Variants in FCHO2 observed in about 807,000 individuals in gnomAD.
FCHO2 encodes the protein F-BAR domain only protein 2.
Under a neutral mutation model 114.1 loss-of-function variants are expected in FCHO2, and 43 were observed. That is an observed-to-expected ratio of 0.38 (90% CI 0.30 to 0.49). The LOEUF is 0.49. Ranked by LOEUF, FCHO2 falls within the 20% of genes least tolerant of loss-of-function variation. The pLI is 0.97. For synonymous variants in FCHO2, 293 were observed against 315.2 expected, an observed-to-expected ratio of 0.93 and a Z score of 0.75; for missense variants, 807 against 950.4, an observed-to-expected ratio of 0.85 and a Z score of 1.98.
intron 6 of FCHO2, among the ~76,000 whole-genome samples, chr5:73,008,154 AAAGAAT>A (rs1175004532): frequency 1.3e-5 from 2 of 152,236 alleles, no homozygotes; most frequent in African/African-American, 4.8e-5. Flanking sequence ...TTTAATGGCA[AAAGAAT>A]TTAGGTTTTC....
chr5:72,968,442 T>A (rs1014412085), intron 1 of FCHO2, 56 bp from the exon 2 acceptor site: 27 of 1,255,422 alleles, frequency 2.2e-5, no homozygotes, highest in South Asian at 1.6e-4. Context: ...CTTTTTATAT[T>A]CTCAAGTCAT....
At position 73,089,176 on chromosome 5, in the gene FCHO2, A is replaced by G. The variant is rs75030728; in HGVS notation, c.*1086A>G. 9.4e-4 allele frequency: 143 copies of G among 152,680 alleles called. 1 individual carries two copies. In the East Asian group the frequency reaches 0.014, roughly 15 times the overall value. 9.5% of individuals were successfully genotyped at this position (152,680 alleles called of 1,614,324 possible). On this transcript the variant is annotated 3_prime_UTR_variant, in exon 26 of 26. Transcript: ENST00000430046. The stretch of plus-strand genomic sequence containing the variant: ...ACATTAACCTCATCAAAAGTGTGTG[A>G]ATTTTAAAACAAATTCTAAAAAAAC...
At chr5:73,070,843 T>A (rs79383806) in intron 19 of FCHO2, among the ~76,000 whole-genome samples, 1 of 152,036 alleles carries the variant, frequency 6.6e-6, no homozygotes, top group African/African-American at 2.4e-5. Flanking sequence ...TCTCCTTGTT[T>A]CTTGAAAATA....
At chr5:72,969,985 A>G (rs1161802511) in intron 2 of FCHO2, among the ~76,000 whole-genome samples, 3 of 152,162 alleles carry the variant, frequency 2.0e-5, no homozygotes, top group Admixed American at 2.0e-4. Context: ...CTGTAACTTC[A>G]TTATGCTGAT....
At chr5:72,997,176 C>T (rs1213696961) in intron 5 of FCHO2, 19 of 1,117,266 alleles carry the variant, frequency 1.7e-5, no homozygotes, top group Non-Finnish European at 2.3e-5. Flanking sequence ...TGGCCTGGAA[C>T]GCCTCCTGAC....
intron 17 of FCHO2, among the ~76,000 whole-genome samples, chr5:73,060,565 A>G (rs904056222): frequency 1.3e-5 from 2 of 151,920 alleles, no homozygotes; most frequent in African/African-American, 2.4e-5. Flanking sequence ...TTTGTCCCCC[A>G]TTCTTTGCAA....
At chr5:73,028,627 G>C (rs1756064497) in intron 8 of FCHO2, among the ~76,000 whole-genome samples, 3 of 145,904 alleles carry the variant, frequency 2.1e-5, no homozygotes, top group Non-Finnish European at 3.0e-5. Flanking sequence ...ACCAAAATAA[G>C]AATACATATT....
At chr5:73,045,836 A>G (rs1473875027) in intron 11 of FCHO2, among the ~76,000 whole-genome samples, 2 of 152,138 alleles carry the variant, frequency 1.3e-5, no homozygotes, top group East Asian at 1.9e-4. Flanking sequence ...TGGACCATTT[A>G]TATGTAATGA....
chr5:72,956,896 G>GT (rs113083385), intron 1 of FCHO2, among the ~76,000 whole-genome samples: 3,875 of 143,912 alleles, frequency 0.027, 132 homozygotes, highest in African/African-American at 0.082. Context: ...TGCAGTTATT[G>GT]TTTTTTTTTT....
At chr5:73,009,540 T>C (rs933436432) in intron 6 of FCHO2, among the ~76,000 whole-genome samples, 25 of 152,156 alleles carry the variant, frequency 1.6e-4, no homozygotes, top group African/African-American at 4.8e-4. Flanking sequence ...TTTTGTTTGT[T>C]TTTTGTTGTT....
chr5:73,029,563 G>T (rs1756120536), intron 8 of FCHO2, among the ~76,000 whole-genome samples: 1 of 152,134 alleles, frequency 6.6e-6, no homozygotes, highest in African/African-American at 2.4e-5. Context: ...TTGCTAAAAA[G>T]AAATAATCTG....
At chr5:73,054,452 A>G (rs956675143) in intron 14 of FCHO2, 73 bp from the exon 15 acceptor site, 8 of 1,314,470 alleles carry the variant, frequency 6.1e-6, no homozygotes, top group South Asian at 4.0e-5. Flanking sequence ...GGTTCCCAGT[A>G]TTAACATTTT....
intron 17 of FCHO2, 84 bp downstream of exon 17, chr5:73,058,608 C>A: frequency 1.8e-6 from 1 of 557,252 alleles, no homozygotes. Context: ...GTGCATTGTA[C>A]TTAATGATCA....
intron 8 of FCHO2, 33 bp downstream of exon 8, chr5:73,017,341 A>T (rs1755359529): frequency 7.2e-7 from 1 of 1,383,240 alleles, no homozygotes; most frequent in African/African-American, 1.5e-5. Flanking sequence ...GAAACATTTT[A>T]AATTTTCCCA....
At chr5:73,004,600 CA>C (rs1754615193) in intron 5 of FCHO2, among the ~76,000 whole-genome samples, 1 of 152,056 alleles carries the variant, frequency 6.6e-6, no homozygotes, top group South Asian at 2.1e-4. Flanking sequence ...CTATTCCAAG[CA>C]TTTTGTATAA....
chr5:72,979,231 C>T (rs1292876879), intron 2 of FCHO2, among the ~76,000 whole-genome samples: 2 of 151,990 alleles, frequency 1.3e-5, no homozygotes, highest in Admixed American at 6.6e-5. Flanking sequence ...GCTGTGAATC[C>T]GTCTTGTCCT....
rs564331930 is a variant in FCHO2 at position 73,055,433 on chromosome 5, G to A, written c.1211-632G>A. 5.1e-4 allele frequency among the ~76,000 whole-genome samples: 78 copies of A among 152,246 alleles called. 1 individual carries two copies. Among genetic ancestry groups the A allele is most frequent in the African/African-American group, 1.9e-3 (77 of 41,546 alleles). On this transcript the variant is annotated intron_variant, in intron 15 of 25. Transcript: ENST00000430046. ...ACTTTGCATTCATCAGGTATTGCTT[G>A]GTGATGCAAAGAAAACATGAAGGTG... is the stretch of plus-strand genomic sequence containing the variant.
chr5:73,063,742 G>A, intron 17 of FCHO2, 99 bp from the exon 18 acceptor site: 1 of 1,039,400 alleles, frequency 9.6e-7, no homozygotes, highest in Middle Eastern at 2.0e-4. Flanking sequence ...TGAAAAATGA[G>A]CTTTGATTAC....
At chr5:73,086,047 A>G (rs992069617) in intron 24 of FCHO2, among the ~76,000 whole-genome samples, 13 of 151,458 alleles carry the variant, frequency 8.6e-5, no homozygotes, top group African/African-American at 3.2e-4. Flanking sequence ...GCTTGAACCC[A>G]GGAGGCGGAG....
Sources: allele counts gnomAD v4.1 joint callset (sites outside exome capture counted in the v4.1 genomes callset), GRCh38; gene constraint gnomAD v4.1.1; transcripts MANE v1.5; gene names NCBI Gene and HGNC (gene_info 2026-07-23, HGNC 2026-07-21).